PXDNL: variants seen among roughly 807,000 people sequenced by gnomAD.
The protein encoded by PXDNL is probable oxidoreductase PXDNL.
Under a neutral mutation model 150.8 loss-of-function variants are expected in PXDNL, and 145 were observed. The ratio of observed to expected loss-of-function variants is 0.96; its 90% confidence interval spans 0.84 to 1.10. The LOEUF (loss-of-function observed/expected upper bound fraction) is 1.10, where lower values mean the gene tolerates loss of function less well. Ranked by LOEUF, PXDNL falls within the 50% of genes least tolerant of loss-of-function variation. The pLI is 0.00. For missense variants in PXDNL, 2,087 were observed against 1,873.9 expected, an observed-to-expected ratio of 1.11 and a Z score of -2.10; for synonymous variants, 757 against 725.7, an observed-to-expected ratio of 1.04 and a Z score of -0.69.
intron 2 of PXDNL, among the ~76,000 whole-genome samples, chr8:51,639,044 A>C (rs955893675): frequency 3.9e-5 from 6 of 152,212 alleles, no homozygotes; most frequent in African/African-American, 1.4e-4. Context: ...AGGATTAAGA[A>C]ACTCGCTCAA....
At chr8:51,731,536 G>A (rs183781652) in intron 1 of PXDNL, among the ~76,000 whole-genome samples, 27 of 152,352 alleles carry the variant, frequency 1.8e-4, no homozygotes, top group African/African-American at 4.6e-4. Context: ...TTTGGGGTCC[G>A]GAGGACGGTG....
At chr8:51,776,335 A>G (rs1231735476) in intron 1 of PXDNL, among the ~76,000 whole-genome samples, 1 of 152,050 alleles carries the variant, frequency 6.6e-6, no homozygotes, top group Non-Finnish European at 1.5e-5. Context: ...TTTGAAAATC[A>G]CTAATAAAAA....
chr8:51,735,586 G>A (rs1308510955), intron 1 of PXDNL, among the ~76,000 whole-genome samples: 1 of 111,404 alleles, frequency 9.0e-6, no homozygotes, highest in African/African-American at 3.6e-5. Context: ...TCGCTCTGTC[G>A]CCCAGGCTGG....
In PXDNL at chr8:51,556,931, T is replaced by C. The variant is rs377368834; in HGVS notation, c.309-20A>G. On this transcript the variant is annotated intron_variant, in intron 3 of 22. Transcript: ENST00000356297. The stretch of plus-strand genomic sequence containing the variant: ...AGGTACCTGGAAAATATATAGAATG[T>C]CATTAAATTATAAATTAGTAGAGAT... 13 of 1,382,362 alleles carry C rather than the reference T, an allele frequency of 9.4e-6. No homozygotes were observed. The highest frequency in any genetic ancestry group is 1.9e-4 in the Middle Eastern group (1 of 5,298). 85.6% of individuals were successfully genotyped at this position (1,382,362 alleles called of 1,614,324 possible).
chr8:51,620,613 G>A (rs1189524112), intron 2 of PXDNL, among the ~76,000 whole-genome samples: 1 of 151,264 alleles, frequency 6.6e-6, no homozygotes, highest in East Asian at 1.9e-4. Context: ...GCACGATCTC[G>A]GCTCACTGCA....
rs371941977 is a variant in PXDNL at position 51,320,829 on chromosome 8, G to A, written c.4215C>T (p.Ala1405=). The change falls in exon 22 of 23, where the codon GCC becomes GCT. Residue 1405 remains alanine, a synonymous_variant. Transcript: ENST00000356297. ...CTDVRGVPRK[A]EERWMKEDCT... The stretch of plus-strand genomic sequence containing the variant: ...AGTCTTCTTTCATCCAGCGCTCCTC[G>A]GCCTTCCTTGGAACCCCTCTAACAT... 1.9e-5 allele frequency: 30 copies of A among 1,613,758 alleles called. No homozygotes were observed. The highest frequency in any genetic ancestry group is 1.6e-4 in the Middle Eastern group (1 of 6,084).
At chr8:51,798,332 A>G (rs1426657380) in intron 1 of PXDNL, among the ~76,000 whole-genome samples, 1 of 152,244 alleles carries the variant, frequency 6.6e-6, no homozygotes, top group African/African-American at 2.4e-5. Context: ...GAATTGACTA[A>G]CGGAATCTAA....
At chr8:51,700,688 A>G (rs981404418) in intron 1 of PXDNL, among the ~76,000 whole-genome samples, 1 of 152,050 alleles carries the variant, frequency 6.6e-6, no homozygotes, top group African/African-American at 2.4e-5. Flanking sequence ...ACACACATGC[A>G]TACACATACA....
At chr8:51,608,400 A>AAG (rs796566977) in intron 2 of PXDNL, among the ~76,000 whole-genome samples, 2,188 of 143,318 alleles carry the variant, frequency 0.015, 220 homozygotes, top group African/African-American at 0.057. Flanking sequence ...AAAAAAAAAA[A>AAG]AAAGAAAGAA....
At chr8:51,561,285 A>G (rs1812714142) in intron 3 of PXDNL, among the ~76,000 whole-genome samples, 1 of 151,986 alleles carries the variant, frequency 6.6e-6, no homozygotes, top group African/African-American at 2.4e-5. Context: ...AATTGAAAGT[A>G]GAGATATCTG....
chr8:51,380,455 G>A (rs1433961525), intron 17 of PXDNL, among the ~76,000 whole-genome samples: 1 of 152,152 alleles, frequency 6.6e-6, no homozygotes, highest in African/African-American at 2.4e-5. Context: ...ACCTGAGAAT[G>A]TTCGTTGTCT....
intron 1 of PXDNL, among the ~76,000 whole-genome samples, chr8:51,773,021 T>C (rs2037315358): frequency 6.6e-6 from 1 of 152,176 alleles, no homozygotes; most frequent in Non-Finnish European, 1.5e-5. Flanking sequence ...CAAAGATAGA[T>C]GTAGCCTGGA....
At chr8:51,541,253 T>TAAAAA in intron 4 of PXDNL, among the ~76,000 whole-genome samples, 2 of 127,208 alleles carry the variant, frequency 1.6e-5, no homozygotes, top group African/African-American at 5.9e-5. Context: ...TGAGACTCCA[T>TAAAAA]AAAAAAAAAA....
chr8:51,716,536 C>T (rs1356060856), intron 1 of PXDNL, among the ~76,000 whole-genome samples: 1 of 152,070 alleles, frequency 6.6e-6, no homozygotes, highest in Non-Finnish European at 1.5e-5. Context: ...CAATGAAAGC[C>T]AAATGTACCT....
intron 19 of PXDNL, among the ~76,000 whole-genome samples, chr8:51,361,461 C>T (rs908406928): frequency 3.9e-5 from 6 of 152,068 alleles, no homozygotes; most frequent in Non-Finnish European, 8.8e-5. Context: ...ATAGCCAAAG[C>T]CAAGATGTAA....
intron 1 of PXDNL, among the ~76,000 whole-genome samples, chr8:51,796,546 C>G (rs113117289): frequency 0.057 from 8,702 of 152,200 alleles, 281 homozygotes; most frequent in African/African-American, 0.091. Context: ...CTATAAACAC[C>G]TCTATGCAAA....
intron 4 of PXDNL, 57 bp downstream of exon 4, chr8:51,556,783 G>T: frequency 2.2e-6 from 2 of 910,410 alleles, no homozygotes; most frequent in East Asian, 2.4e-5. Context: ...CATTTAAAAA[G>T]CTGTCTATTT....
chr8:51,418,907 C>A (rs1484807383), intron 14 of PXDNL, among the ~76,000 whole-genome samples: 1 of 152,002 alleles, frequency 6.6e-6, no homozygotes, highest in Admixed American at 6.6e-5. Context: ...GAACAGGAGT[C>A]ACATAAAGAA....
intron 6 of PXDNL, among the ~76,000 whole-genome samples, chr8:51,483,150 C>T (rs972731935): frequency 3.3e-5 from 5 of 152,150 alleles, no homozygotes; most frequent in Non-Finnish European, 7.4e-5. Flanking sequence ...TGGACATCAG[C>T]CCACGGATGG....
Sources: gnomAD v4.1 joint callset for allele counts (sites outside exome capture counted in the v4.1 genomes callset) on GRCh38, gnomAD v4.1.1 for gene constraint, MANE v1.5 for transcripts, NCBI Gene and HGNC (gene_info 2026-07-23, HGNC 2026-07-21) for gene names.